The following LRRK1 variants were observed in gnomAD, a reference collection of about 807,000 sequenced individuals.
LRRK1 encodes the protein leucine-rich repeat serine/threonine-protein kinase 1.
A neutral mutation model predicts 209.1 loss-of-function variants in LRRK1; 113 were observed. That is an observed-to-expected ratio of 0.54 (90% CI 0.46 to 0.63). The LOEUF (loss-of-function observed/expected upper bound fraction) is 0.63. Among genes scored for constraint, LRRK1 ranks in the 30% least tolerant of loss-of-function variants. The pLI, the probability that LRRK1 is intolerant of heterozygous loss-of-function variation, is 0.00. For synonymous variants in LRRK1, 1,144 were observed against 1,099.7 expected, an observed-to-expected ratio of 1.04 and a Z score of -0.80; for missense variants, 2,284 against 2,632.2, an observed-to-expected ratio of 0.87 and a Z score of 2.89.
rs1555461478 is a variant in LRRK1, at chr15:100,962,812, T to TATATATATACATATATATATATATAC, written c.98-10983_98-10982insCATATATATATATATACATATATATA. ...CATTTTGCATATATATATATATATA[T>TATATATATACATATATATATATATAC]ATATATATATATTTTTTTTTTTTTT... On this transcript the variant is annotated intron_variant, in intron 2 of 33. Coordinates refer to ENST00000388948, the MANE Select transcript of LRRK1 (RefSeq NM_024652.6). Among the ~76,000 whole-genome samples the TATATATATACATATATATATATATAC allele has an allele frequency of 9.5e-5, 3 of 31,666 alleles. 1 individual carries two copies. The highest frequency in any genetic ancestry group is 2.1e-4 in the African/African-American group (2 of 9,558). 20.8% of individuals were successfully genotyped at this position (31,666 alleles called of 152,430 possible).
intron 2 of LRRK1, among the ~76,000 whole-genome samples, chr15:100,961,666 A>G (rs2029969766): frequency 6.7e-6 from 1 of 150,104 alleles, no homozygotes; most frequent in Admixed American, 6.6e-5. Flanking sequence ...AAAAAAAAAA[A>G]CCATAGCAGT....
In LRRK1 at chr15:101,077,372, C is replaced by G. The variant is rs2037021400; in HGVS notation, c.*8524C>G. The stretch of plus-strand genomic sequence containing the variant: ...TTTACACTGCCAGTTTACACTGTTT[C>G]TCCAAGCCATCACAGCTGATATCTC... On this transcript the variant is annotated 3_prime_UTR_variant, in exon 34 of 34. Transcript: ENST00000388948. 1 of 152,220 alleles carries G rather than the reference C, an allele frequency of 6.6e-6. No homozygotes were observed. The highest frequency in any genetic ancestry group is 2.1e-4 in the South Asian group (1 of 4,836). 9.4% of individuals were successfully genotyped at this position (152,220 alleles called of 1,614,324 possible). A position where few individuals can be genotyped will look rare whatever the true frequency, so the allele number is the denominator to read the frequency against.
intron 2 of LRRK1, among the ~76,000 whole-genome samples, chr15:100,963,276 C>T (rs184551865): frequency 2.2e-4 from 34 of 152,184 alleles, no homozygotes; most frequent in Non-Finnish European, 1.6e-4. Context: ...TTCTGATGGC[C>T]GCATCCGAGC....
At chr15:101,056,294 C>T (rs948003008) in intron 27 of LRRK1, among the ~76,000 whole-genome samples, 1 of 152,170 alleles carries the variant, frequency 6.6e-6, no homozygotes, top group Non-Finnish European at 1.5e-5. Context: ...TAGTACCAAG[C>T]ACATTAAGCT....
In LRRK1 at chr15:101,068,693, G is replaced by A. The variant is rs1227064013; in HGVS notation, c.5893G>A (p.Val1965Met). The change falls in exon 34 of 34, where the codon GTG (valine) becomes ATG (methionine). Residue 1965 changes from valine to methionine, a missense_variant. Around this residue, in one of 6 missense-constraint regions of LRRK1, gnomAD observed 643 missense variants for 695.9 expected, o/e 0.92. Transcript: ENST00000388948. Reference protein sequence around the residue: ...PHGVLVDAAVVAKDTVVCTFE... With the variant: ...PHGVLVDAAVMAKDTVVCTFE... ...CAGGGTGCTGGTGGATGCTGCCGTG[G>A]TGGCAAAGGACACTGTTGTGTGCAC... is the stretch of plus-strand genomic sequence containing the variant. 3.1e-6 allele frequency: 5 copies of A among 1,604,630 alleles called. No individual in the cohort carries two copies. The highest frequency in any genetic ancestry group is 3.4e-6 in the Non-Finnish European group (4 of 1,174,304).
At chr15:101,058,617 C>CGG (rs1555479973) in intron 29 of LRRK1, among the ~76,000 whole-genome samples, 4,650 of 75,264 alleles carry the variant, frequency 0.062, 903 homozygotes, top group Admixed American at 0.1. Flanking sequence ...GAAGGGGCAA[C>CGG]GGGGGGGGGC....
chr15:101,053,189 G>A (rs1207822507), intron 25 of LRRK1, 34 bp from the exon 26 acceptor site: 1 of 1,597,018 alleles, frequency 6.3e-7, no homozygotes, highest in African/African-American at 1.3e-5. Context: ...GGCACCCCAT[G>A]TCCTACTGGC....
At chr15:100,943,642 T>A (rs2042484521) in intron 2 of LRRK1, among the ~76,000 whole-genome samples, 1 of 151,986 alleles carries the variant, frequency 6.6e-6, no homozygotes, top group African/African-American at 2.4e-5. Flanking sequence ...AAAAATAAGT[T>A]TAGTTCCTCC....
intron 6 of LRRK1, among the ~76,000 whole-genome samples, chr15:101,005,050 G>A (rs1048879281): frequency 2.2e-5 from 3 of 138,604 alleles, no homozygotes; most frequent in East Asian, 1.9e-4. Context: ...CATTCCATAC[G>A]GAAAGACCAT....
intron 7 of LRRK1, among the ~76,000 whole-genome samples, chr15:101,009,796 C>T (rs886092647): frequency 6.6e-6 from 1 of 152,082 alleles, no homozygotes; most frequent in African/African-American, 2.4e-5. Context: ...CCGTGTTGGC[C>T]AGGATGGTCT....
In LRRK1 at chr15:101,046,125, G is replaced by C. The variant is rs762340623; in HGVS notation, c.3108G>C (p.Leu1036=). Residue 1036 remains leucine (L), a synonymous_variant, in exon 21 of 34, where the codon CTG becomes CTC. Coordinates refer to ENST00000388948, the MANE Select transcript of LRRK1 (RefSeq NM_024652.6). ...GGCAAAGGTTTATAGCACGGATGCTGATCAGCCTGGCGGAGATGGACCTGC... is the reference window on the plus strand; with the variant it reads ...GGCAAAGGTTTATAGCACGGATGCTCATCAGCCTGGCGGAGATGGACCTGC... ...GFWQRFIARM[L]ISLAEMDLQL... 50 of 1,614,140 alleles carry C rather than the reference G, an allele frequency of 3.1e-5. No homozygotes were observed. The highest frequency in any genetic ancestry group is 3.6e-5 in the Non-Finnish European group (43 of 1,180,054).
In LRRK1 at chr15:100,983,297, C is replaced by T. The variant is rs1162589271; in HGVS notation, c.262-231C>T. On this transcript the variant is annotated intron_variant, in intron 3 of 33. Coordinates refer to ENST00000388948, the MANE Select transcript of LRRK1 (RefSeq NM_024652.6). ...TCAACATAAATTATTGATGAGCTAG[C>T]TTACCCTTTCTGTACTAGGTCTTTG... Among the ~76,000 whole-genome samples the T allele has an allele frequency of 2.0e-5, 3 of 152,168 alleles. No individual in the cohort carries two copies. The East Asian group carries it at 5.8e-4, about 29-fold the overall frequency.
At chr15:100,952,395 CCA>C (rs1050837314) in intron 2 of LRRK1, among the ~76,000 whole-genome samples, 4 of 152,262 alleles carry the variant, frequency 2.6e-5, no homozygotes, top group Admixed American at 2.6e-4. Context: ...GGGTTGTGAG[CCA>C]CAGTTAAAGG....
chr15:100,964,665 T>A lies in LRRK1; in HGVS notation c.98-9139T>A, dbSNP rs190920150. Among the ~76,000 whole-genome samples the A allele has an allele frequency of 1.1e-3, 174 of 152,354 alleles. 5 individuals carry two copies. Among genetic ancestry groups the A allele is most frequent in the Admixed American group, 9.8e-3 (150 of 15,302 alleles). On this transcript the variant is annotated intron_variant, in intron 2 of 33. Coordinates refer to ENST00000388948, the MANE Select transcript of LRRK1 (RefSeq NM_024652.6). ...ATGCAATAAAATAAAGTCATGGATA[T>A]GCAAATCAAACGGCAGTGTCTTTTC... is the stretch of plus-strand genomic sequence containing the variant.
In LRRK1 at chr15:101,010,444, T is replaced by C; in HGVS notation, c.990-6T>C. ...TGATGCCTGCCTTCCTTCTTCTCCATCGCAGGCTACTTGAAATTGACATTT... is the reference window on the plus strand; with the variant it reads ...TGATGCCTGCCTTCCTTCTTCTCCACCGCAGGCTACTTGAAATTGACATTT... On this transcript the variant is annotated splice_polypyrimidine_tract_variant and splice_region_variant and intron_variant, in intron 7 of 33. Coordinates refer to ENST00000388948, the MANE Select transcript of LRRK1 (RefSeq NM_024652.6). 1 of 1,608,556 alleles carries C rather than the reference T, an allele frequency of 6.2e-7. No individual in the cohort carries two copies. The highest frequency in any genetic ancestry group is 8.5e-7 in the Non-Finnish European group (1 of 1,178,522).
Position 101,072,061 on chromosome 15 carries a change from C to A in LRRK1, c.*3213C>A, listed in dbSNP as rs986283981. 3.9e-5 allele frequency: 6 copies of A among 152,160 alleles called. No homozygotes were observed. The highest frequency in any genetic ancestry group is 4.1e-4 in the South Asian group (2 of 4,828). The allele number at this position is 152,160 out of a possible 1,614,324, so 9.4% of individuals were successfully genotyped here. A position where few individuals can be genotyped will look rare whatever the true frequency, so the allele number is the denominator to read the frequency against. ...TGGGGGTCTCCGCGGAAGCTCCTGG[C>A]AGTTTTAAGCAGGATTATTAGATGA... is the stretch of plus-strand genomic sequence containing the variant. On this transcript the variant is annotated 3_prime_UTR_variant, in exon 34 of 34. Coordinates refer to ENST00000388948, the MANE Select transcript of LRRK1 (RefSeq NM_024652.6).
chr15:100,997,005 A>C lies in LRRK1; in HGVS notation c.762+7607A>C, dbSNP rs560593340. ...TTTAGATTCATTATGATACAAATGG[A>C]TTCTAGACAAGTTAGCGTTAAGCTT... On this transcript the variant is annotated intron_variant, in intron 6 of 33. Coordinates refer to ENST00000388948, the MANE Select transcript of LRRK1 (RefSeq NM_024652.6). Among the ~76,000 whole-genome samples, 154 of 151,906 alleles carry C rather than the reference A, an allele frequency of 1.0e-3. 2 individuals carry two copies. The highest frequency in any genetic ancestry group is 6.9e-4 in the Non-Finnish European group (47 of 67,938).
chr15:100,933,555 A>G (rs2042245723), intron 2 of LRRK1, among the ~76,000 whole-genome samples: 1 of 152,086 alleles, frequency 6.6e-6, no homozygotes, highest in African/African-American at 2.4e-5. Flanking sequence ...CAGGTCCAGT[A>G]ACACACTGGT....
At chr15:100,988,225 A>G (rs1351112195) in intron 4 of LRRK1, among the ~76,000 whole-genome samples, 4 of 152,210 alleles carry the variant, frequency 2.6e-5, no homozygotes, top group Non-Finnish European at 4.4e-5. Flanking sequence ...GGGGTTCGGT[A>G]TGCAGATTAT....
Sources: allele counts gnomAD v4.1 joint callset (sites outside exome capture counted in the v4.1 genomes callset), GRCh38; gene constraint gnomAD v4.1.1; regional missense constraint gnomAD v4.1.1; transcripts MANE v1.5; gene names NCBI Gene and HGNC (gene_info 2026-07-23, HGNC 2026-07-21).